ATP9A: variants seen among roughly 807,000 people sequenced by gnomAD.
ATP9A encodes the protein probable phospholipid-transporting ATPase IIA.
ATP9A carries 52 observed loss-of-function variants against 144.1 expected under a neutral mutation model. The ratio of observed to expected loss-of-function variants is 0.36; its 90% CI spans 0.29 to 0.45. ATP9A has a LOEUF of 0.45. Ranked by LOEUF, ATP9A falls within the 20% of genes least tolerant of loss-of-function variation. The pLI is 1.00. For missense variants in ATP9A, 947 were observed against 1,392.7 expected (o/e 0.68, Z 5.09); for synonymous variants, 582 against 557.4 (o/e 1.04, Z -0.62).
intron 7 of ATP9A, among the ~76,000 whole-genome samples, chr20:51,691,655 G>A (rs1462656768): frequency 6.6e-6 from 1 of 152,170 alleles, no homozygotes; most frequent in East Asian, 1.9e-4. Flanking sequence ...TGCTGGGAAC[G>A]CAAGATGGTG....
chr20:51,624,617 T>C (rs2077240330), intron 18 of ATP9A, among the ~76,000 whole-genome samples: 2 of 152,164 alleles, frequency 1.3e-5, no homozygotes, highest in Non-Finnish European at 2.9e-5. Flanking sequence ...CCATGCACGC[T>C]GGACACTGCT....
chr20:51,715,366 G>C (rs1174602486), intron 3 of ATP9A, among the ~76,000 whole-genome samples: 1 of 152,224 alleles, frequency 6.6e-6, no homozygotes, highest in Non-Finnish European at 1.5e-5. Context: ...GGGAGTGAGA[G>C]AAAACCTGTT....
At chr20:51,663,795 G>GAAAAAA (rs56793951) in intron 13 of ATP9A, among the ~76,000 whole-genome samples, 1 of 114,892 alleles carries the variant, frequency 8.7e-6, no homozygotes, top group Non-Finnish European at 1.7e-5. Context: ...CTCCGTCTCA[G>GAAAAAA]AAAAAAAAAA....
chr20:51,656,461 G>A (rs991832844), intron 14 of ATP9A, among the ~76,000 whole-genome samples: 2 of 152,104 alleles, frequency 1.3e-5, no homozygotes, highest in Non-Finnish European at 2.9e-5. Context: ...GCTGAGGCAG[G>A]AGAATCGCTC....
At chr20:51,739,021 G>A (rs937252889) in intron 1 of ATP9A, among the ~76,000 whole-genome samples, 2 of 152,064 alleles carry the variant, frequency 1.3e-5, no homozygotes, top group Admixed American at 6.6e-5. Context: ...CCTGGGAGGC[G>A]GAGGTTGCAG....
At chr20:51,654,653 A>AG in intron 14 of ATP9A, among the ~76,000 whole-genome samples, 1 of 152,130 alleles carries the variant, frequency 6.6e-6, no homozygotes, top group Admixed American at 6.6e-5. Context: ...CATACCCACG[A>AG]GTTCAGGGCT....
intron 13 of ATP9A, among the ~76,000 whole-genome samples, chr20:51,664,320 C>T (rs967097590): frequency 2.0e-5 from 3 of 152,128 alleles, no homozygotes; most frequent in Non-Finnish European, 4.4e-5. Flanking sequence ...GCTGCAGTGG[C>T]TCATGCCTGT....
At chr20:51,608,489 G>A (rs771164342) in intron 25 of ATP9A, 29 bp downstream of exon 25, 6 of 1,400,044 alleles carry the variant, frequency 4.3e-6, no homozygotes, top group Non-Finnish European at 6.1e-6. Context: ...GAGGAAAGGA[G>A]GAAGGAGGGA....
intron 1 of ATP9A, among the ~76,000 whole-genome samples, chr20:51,767,865 G>T (rs1213001086): frequency 3.3e-5 from 5 of 152,248 alleles, no homozygotes; most frequent in African/African-American, 7.2e-5. Flanking sequence ...TAAAAGCTGA[G>T]CATATCTGGG....
intron 1 of ATP9A, among the ~76,000 whole-genome samples, chr20:51,750,239 T>C (rs2077825613): frequency 6.6e-6 from 1 of 152,150 alleles, no homozygotes; most frequent in Non-Finnish European, 1.5e-5. Flanking sequence ...GCCTCTGATC[T>C]TGCCATGAGC....
intron 13 of ATP9A, among the ~76,000 whole-genome samples, chr20:51,661,672 G>A (rs901699174): frequency 2.0e-5 from 3 of 151,712 alleles, no homozygotes; most frequent in Middle Eastern, 3.4e-3. Context: ...CACCCAGCCA[G>A]AAATACACTA....
rs963139732 is a variant in ATP9A at position 51,598,351 on chromosome 20, G to C, written c.*2860C>G. The stretch of plus-strand genomic sequence containing the variant: ...GTGTTGTCAGAGGGCGCAGGGAGCT[G>C]TGAGTTTTGCTTTCAGGAAAAGTGT... On this transcript the variant is annotated 3_prime_UTR_variant, in exon 28 of 28. Transcript: ENST00000338821. 7 of 152,130 alleles carry C rather than the reference G, an allele frequency of 4.6e-5. No individual in the cohort carries two copies. Among genetic ancestry groups the C allele is most frequent in the Non-Finnish European group, 2.9e-5 (2 of 68,030 alleles). 9.4% of individuals were successfully genotyped at this position (152,130 alleles called of 1,614,324 possible). A position where few individuals can be genotyped will look rare whatever the true frequency, so the allele number is the denominator to read the frequency against.
chr20:51,693,941 G>GGT (rs888597089), intron 7 of ATP9A, 67 bp downstream of exon 7: 25 of 1,227,236 alleles, frequency 2.0e-5, no homozygotes, highest in Non-Finnish European at 6.6e-6. Flanking sequence ...TGGCCCCCCA[G>GGT]GTATGAGTTT....
intron 1 of ATP9A, among the ~76,000 whole-genome samples, chr20:51,742,574 G>A (rs1427150899): frequency 6.6e-6 from 1 of 151,948 alleles, no homozygotes; most frequent in Non-Finnish European, 1.5e-5. Flanking sequence ...GAGTGCAGTG[G>A]CGCGATCTCA....
intron 23 of ATP9A, among the ~76,000 whole-genome samples, chr20:51,613,341 A>C (rs1648970663): frequency 6.6e-6 from 1 of 152,196 alleles, no homozygotes. Context: ...TAACTCATGT[A>C]CACTCCACTT....
chr20:51,760,501 C>T (rs572980946), intron 1 of ATP9A, among the ~76,000 whole-genome samples: 11 of 152,158 alleles, frequency 7.2e-5, no homozygotes, highest in Admixed American at 2.0e-4. Flanking sequence ...CCAAGGCAGG[C>T]GGATCACCTG....
At chr20:51,713,625 T>C (rs965474804) in intron 3 of ATP9A, among the ~76,000 whole-genome samples, 1 of 152,206 alleles carries the variant, frequency 6.6e-6, no homozygotes, top group African/African-American at 2.4e-5. Context: ...TTACTGCCAC[T>C]GTATCTAGAG....
chr20:51,709,408 G>A (rs1190627410), intron 4 of ATP9A, among the ~76,000 whole-genome samples: 6 of 152,098 alleles, frequency 3.9e-5, no homozygotes, highest in African/African-American at 1.4e-4. Context: ...CCAGCTACTC[G>A]GGAGGCTCGG....
intron 4 of ATP9A, among the ~76,000 whole-genome samples, chr20:51,701,967 C>T (rs867881487): frequency 6.6e-6 from 1 of 151,484 alleles, no homozygotes; most frequent in Middle Eastern, 3.4e-3. Flanking sequence ...TTGAGACCAG[C>T]CCGGGCCGCA....
Sources: gnomAD v4.1 joint callset for allele counts (sites outside exome capture counted in the v4.1 genomes callset) on GRCh38, gnomAD v4.1.1 for gene constraint, MANE v1.5 for transcripts, NCBI Gene and HGNC (gene_info 2026-07-23, HGNC 2026-07-21) for gene names.